Variants in RBM22 observed in about 807,000 individuals in gnomAD.
RBM22 encodes the protein RNA binding motif protein 22.
Under a neutral mutation model 50.1 loss-of-function variants are expected in RBM22, and 1 was observed. That is an observed-to-expected ratio of 0.02 (90% CI 0.01 to 0.09). The LOEUF (loss-of-function observed/expected upper bound fraction) is 0.09. Among genes scored for constraint, RBM22 ranks in the 10% least tolerant of loss-of-function variants. The pLI, the probability that RBM22 is intolerant of heterozygous loss-of-function variation, is 1.00. For synonymous variants in RBM22, 152 were observed against 179.0 expected (o/e 0.85, Z 1.20); for missense variants, 264 against 529.3 (o/e 0.50, Z 4.92).
chr5:150,698,365 G>C, intron 4 of RBM22, 134 bp downstream of exon 4: 3 of 1,192,558 alleles, frequency 2.5e-6, no homozygotes, highest in South Asian at 3.0e-5. Flanking sequence ...TCTTTTCCTG[G>C]GAAAAGCAGA....
At chr5:150,699,933 C>G (rs1397431211) in intron 2 of RBM22, among the ~76,000 whole-genome samples, 2 of 152,246 alleles carry the variant, frequency 1.3e-5, no homozygotes, top group African/African-American at 4.8e-5. Context: ...ATCAACACCT[C>G]TACGACTACA....
At chr5:150,698,351 T>C in intron 4 of RBM22, 148 bp downstream of exon 4, 4 of 1,063,130 alleles carry the variant, frequency 3.8e-6, no homozygotes, top group East Asian at 4.9e-5. Flanking sequence ...GGCCTAATTA[T>C]GGTTCTTTTC....
chr5:150,698,638 C>T lies in RBM22; in HGVS notation c.139-7G>A. ...TGAATGGCCTGGCACAGATCTGGAA[C>T]ACAAAGCAAGAGCCATAGAATGTCA... On this transcript the variant is annotated splice_polypyrimidine_tract_variant and splice_region_variant and intron_variant, in intron 3 of 10. Transcript: ENST00000199814. 6.2e-7 allele frequency: 1 copy of T among 1,613,676 alleles called. No individual in the cohort carries two copies. Among genetic ancestry groups the T allele is most frequent in the Non-Finnish European group, 8.5e-7 (1 of 1,179,950 alleles).
Position 150,696,463 on chromosome 5 carries a change from G to A in RBM22, c.545+70C>T, listed in dbSNP as rs1191638188. ...AGATTTTAAAGCAGAAACAGTTTAA[G>A]TTAGGACCTCCCACTTCTTAGATGA... On this transcript the variant is annotated intron_variant, in intron 6 of 10. Coordinates refer to ENST00000199814, the MANE Select transcript of RBM22 (RefSeq NM_018047.3). This position sits in a 1 kb window ranked among gnomAD's most constrained non-coding sequence, Gnocchi z 4.3. 8.7e-6 allele frequency: 13 copies of A among 1,491,136 alleles called. No homozygotes were observed. Among genetic ancestry groups the A allele is most frequent in the Non-Finnish European group, 1.1e-5 (12 of 1,090,364 alleles). The allele number at this position is 1,491,136 out of a possible 1,614,324, so 92.4% of individuals were successfully genotyped here.
At chr5:150,694,981 A>G (rs1190452460) in intron 7 of RBM22, 1 of 154,450 alleles carries the variant, frequency 6.5e-6, no homozygotes, top group African/African-American at 2.4e-5. Context: ...GTTAGGTCAA[A>G]TAGAATCCTA....
Position 150,696,763 on chromosome 5 carries a change from G to T in RBM22, c.372+28C>A. The T allele has an allele frequency of 6.8e-6, 11 of 1,613,520 alleles. No homozygotes were observed. Among genetic ancestry groups the T allele is most frequent in the Non-Finnish European group, 9.3e-6 (11 of 1,179,510 alleles). The stretch of plus-strand genomic sequence containing the variant: ...TATACAGACTGTGTCAATTCATTAG[G>T]ATTTTTATCCAAAAAGTGGCAGCAT... On this transcript the variant is annotated intron_variant, in intron 5 of 10. Transcript: ENST00000199814. The surrounding 1 kb of genome is among the most constrained non-coding windows in gnomAD (Gnocchi z 4.3).
chr5:150,694,404 G>A, intron 7 of RBM22, 164 bp from the exon 8 acceptor site: 1 of 1,105,410 alleles, frequency 9.0e-7, no homozygotes, highest in Non-Finnish European at 1.2e-6. Context: ...GTCCTACTGT[G>A]GGTGCTGCTG....
At chr5:150,691,936 C>G (rs550428615) in intron 10 of RBM22, 55 bp from the exon 11 acceptor site, 1 of 1,425,808 alleles carries the variant, frequency 7.0e-7, no homozygotes, top group South Asian at 1.8e-5. Flanking sequence ...GATAACCTTT[C>G]AAACCTCTCA....
intron 7 of RBM22, chr5:150,695,209 A>C (rs1188186665): frequency 1.1e-5 from 3 of 281,996 alleles, no homozygotes; most frequent in Non-Finnish European, 2.0e-5. Context: ...TTGATTTCTT[A>C]GTAGAGATGT....
intron 1 of RBM22, 198 bp from the exon 2 acceptor site, chr5:150,700,695 C>G (rs778791075): frequency 8.3e-5 from 127 of 1,530,570 alleles, no homozygotes; most frequent in South Asian, 5.4e-4. Flanking sequence ...AAAACCAGCT[C>G]TAATAGGCTG....
Position 150,701,059 on chromosome 5 carries a change from G to C in RBM22, c.-74C>G. ...CCGCCACAATCCCGTCAAGCCCCGAGGCTAGCGCCGCGCCGGTCGGCGTCT... is the reference window on the plus strand; with the variant it reads ...CCGCCACAATCCCGTCAAGCCCCGACGCTAGCGCCGCGCCGGTCGGCGTCT... On this transcript the variant is annotated 5_prime_UTR_variant, in exon 1 of 11. Coordinates refer to ENST00000199814, the MANE Select transcript of RBM22 (RefSeq NM_018047.3). The C allele has an allele frequency of 6.3e-7, 1 of 1,598,060 alleles. No homozygotes were observed. The highest frequency in any genetic ancestry group is 8.6e-7 in the Non-Finnish European group (1 of 1,166,180).
chr5:150,697,762 G>T, intron 4 of RBM22: 1 of 326,130 alleles, frequency 3.1e-6, no homozygotes. Context: ...AACTCTTGTT[G>T]AAAAATTATC....
chr5:150,698,684 C>G, intron 3 of RBM22, 53 bp from the exon 4 acceptor site: 3 of 1,595,358 alleles, frequency 1.9e-6, no homozygotes, highest in Admixed American at 1.7e-5. Context: ...TCTGGGCAAT[C>G]TGGAGATCTG....
intron 1 of RBM22, 185 bp downstream of exon 1, chr5:150,700,747 G>A (rs1759337275): frequency 1.3e-6 from 2 of 1,540,732 alleles, no homozygotes; most frequent in Non-Finnish European, 1.7e-6. Context: ...CGGGACCCTG[G>A]CTAAGCCCCC....
chr5:150,697,610 T>C (rs1410938641), intron 4 of RBM22: 2 of 190,820 alleles, frequency 1.0e-5, no homozygotes, highest in Non-Finnish European at 2.2e-5. Context: ...TAAGGGTCAC[T>C]GTACTCCAGG....
At chr5:150,694,009 T>C (rs956708652) in intron 8 of RBM22, 67 bp downstream of exon 8, 2 of 1,564,096 alleles carry the variant, frequency 1.3e-6, no homozygotes, top group African/African-American at 1.4e-5. Context: ...CCTACTAGTC[T>C]CCAGAAAATG....
chr5:150,700,833 C>G, intron 1 of RBM22, 99 bp downstream of exon 1: 1 of 1,610,548 alleles, frequency 6.2e-7, no homozygotes, highest in Non-Finnish European at 8.5e-7. Flanking sequence ...TGGCTCCTCC[C>G]CGGTATTCCT....
Position 150,691,648 on chromosome 5 carries a change from T to C in RBM22, c.*103A>G. On this transcript the variant is annotated 3_prime_UTR_variant, in exon 11 of 11. Transcript: ENST00000199814. ...CTGCTCACATCTGAGCACATTCAGCTACCATGGAAACTACAAGGGAAGGAA... is the reference window on the plus strand; with the variant it reads ...CTGCTCACATCTGAGCACATTCAGCCACCATGGAAACTACAAGGGAAGGAA... 12 of 1,306,398 alleles carry C rather than the reference T, an allele frequency of 9.2e-6. No individual in the cohort carries two copies. Among genetic ancestry groups the C allele is most frequent in the East Asian group, 2.6e-5 (1 of 38,568 alleles). The allele number at this position is 1,306,398 out of a possible 1,614,324, so 80.9% of individuals were successfully genotyped here. A position where few individuals can be genotyped will look rare whatever the true frequency, so the allele number is the denominator to read the frequency against.
In RBM22 at chr5:150,700,910, C is replaced by T. The variant is rs1412278429; in HGVS notation, c.54+22G>A. The T allele has an allele frequency of 2.5e-6, 4 of 1,614,116 alleles. No individual in the cohort carries two copies. The African/African-American group carries it at 4.0e-5, about 16-fold the overall frequency. ...CGCGGCTTCGCCTCCTCCTTCCATC[C>T]TCCTCCGGCAGGCACACTCACCGCA... On this transcript the variant is annotated intron_variant, in intron 1 of 10. Coordinates refer to ENST00000199814, the MANE Select transcript of RBM22 (RefSeq NM_018047.3).
Sources: gnomAD v4.1 joint callset for allele counts (sites outside exome capture counted in the v4.1 genomes callset) on GRCh38, gnomAD v4.1.1 for gene constraint, Gnocchi (gnomAD v3.1) non-coding constraint, MANE v1.5 for transcripts, NCBI Gene and HGNC (gene_info 2026-07-23, HGNC 2026-07-21) for gene names.